CAMSAP2: variants seen among roughly 807,000 people sequenced by gnomAD.
CAMSAP2 encodes calmodulin-regulated spectrin-associated protein 2.
CAMSAP2 carries 26 observed loss-of-function variants against 146.1 expected under a neutral mutation model. The observed-to-expected ratio is 0.18, with a 90% CI of 0.13 to 0.25. The LOEUF (loss-of-function observed/expected upper bound fraction) is 0.25, where lower values mean the gene tolerates loss of function less well. CAMSAP2 is among the 10% of genes least tolerant of loss of function. The pLI, the probability that CAMSAP2 is intolerant of heterozygous loss-of-function variation, is 1.00. For synonymous variants in CAMSAP2, 499 were observed against 596.6 expected, an observed-to-expected ratio of 0.84 and a Z score of 2.38; for missense variants, 1,381 against 1,759.3, an observed-to-expected ratio of 0.78 and a Z score of 3.85.
At chr1:200,764,238 A>G (rs190272445) in intron 2 of CAMSAP2, among the ~76,000 whole-genome samples, 1 of 152,166 alleles carries the variant, frequency 6.6e-6, no homozygotes, top group African/African-American at 2.4e-5. Context: ...AATTTGGGAT[A>G]TTTTATTTCT....
At chr1:200,803,874 T>C (rs561334975) in intron 2 of CAMSAP2, among the ~76,000 whole-genome samples, 2 of 152,282 alleles carry the variant, frequency 1.3e-5, no homozygotes, top group East Asian at 1.9e-4. Context: ...TTCTGTTGTG[T>C]GTGCGTGTGT....
chr1:200,784,926 G>A lies in CAMSAP2; in HGVS notation c.400-22450G>A, dbSNP rs778594064. 1.8e-4 allele frequency among the ~76,000 whole-genome samples: 28 copies of A among 152,094 alleles called. 1 individual carries two copies. Among genetic ancestry groups the A allele is most frequent in the Non-Finnish European group, 3.2e-4 (22 of 68,016 alleles). ...TTAAGGGAGTGCCTTTCTGTTCCACGTTTGCTAAGAAATATATGTATGTTT... is the reference window on the plus strand; with the variant it reads ...TTAAGGGAGTGCCTTTCTGTTCCACATTTGCTAAGAAATATATGTATGTTT... On this transcript the variant is annotated intron_variant, in intron 2 of 16. Coordinates refer to ENST00000358823, the MANE Select transcript of CAMSAP2 (RefSeq NM_203459.4).
At position 200,813,195 on chromosome 1, in the gene CAMSAP2, T is replaced by C. The variant is rs561287285; in HGVS notation, c.562-2366T>C. ...TTCAGAATGGCAGCTTCTTGTTGTGTCCTCACGTGGCCGAAAGGGCCACTG... is the reference window on the plus strand; with the variant it reads ...TTCAGAATGGCAGCTTCTTGTTGTGCCCTCACGTGGCCGAAAGGGCCACTG... On this transcript the variant is annotated intron_variant, in intron 3 of 16. Coordinates refer to ENST00000358823, the MANE Select transcript of CAMSAP2 (RefSeq NM_203459.4). Among the ~76,000 whole-genome samples, 43 of 152,348 alleles carry C rather than the reference T, an allele frequency of 2.8e-4. No individual in the cohort carries two copies. The South Asian group carries it at 8.3e-3, about 29-fold the overall frequency.
At chr1:200,844,454 A>G (rs1667409381) in intron 7 of CAMSAP2, among the ~76,000 whole-genome samples, 1 of 152,014 alleles carries the variant, frequency 6.6e-6, no homozygotes, top group Admixed American at 6.6e-5. Flanking sequence ...AGGCTGAGGC[A>G]GGAGAATTGC....
rs1325323736 is a variant in CAMSAP2, at chr1:200,740,344, T to A, written c.139+378T>A. 3.3e-5 allele frequency among the ~76,000 whole-genome samples: 5 copies of A among 152,124 alleles called. No individual in the cohort carries two copies. The East Asian group carries it at 9.6e-4, about 29-fold the overall frequency. ...TACACCACCAAGAAATCTGAGTTGG[T>A]TTCTTTATTATTGCAAGAAGGTGGA... On this transcript the variant is annotated intron_variant, in intron 1 of 16. Coordinates refer to ENST00000358823, the MANE Select transcript of CAMSAP2 (RefSeq NM_203459.4).
intron 8 of CAMSAP2, 99 bp from the exon 9 acceptor site, chr1:200,847,111 G>A: frequency 3.9e-6 from 3 of 776,398 alleles, no homozygotes; most frequent in Non-Finnish European, 6.1e-6. Context: ...TTAGGTTGTA[G>A]AATGAGAGGT....
chr1:200,783,653 A>T (rs1245954152), intron 2 of CAMSAP2, among the ~76,000 whole-genome samples: 1 of 151,542 alleles, frequency 6.6e-6, no homozygotes, highest in Non-Finnish European at 1.5e-5. Flanking sequence ...TGGCTAATTA[A>T]AAAAAAAATT....
rs1206051460 is a variant in CAMSAP2, at chr1:200,857,249, T to C, written c.4013-57T>C. On this transcript the variant is annotated intron_variant, in intron 15 of 16. Coordinates refer to ENST00000358823, the MANE Select transcript of CAMSAP2 (RefSeq NM_203459.4). This position sits in a 1 kb window ranked among gnomAD's most constrained non-coding sequence, Gnocchi z 4.7. ...GAACAATTACATCATTTTAAAATAG[T>C]AGTATTTCTGACTTAGGAATGTTAT... 1 of 1,111,934 alleles carries C rather than the reference T, an allele frequency of 9.0e-7. No individual in the cohort carries two copies. Among genetic ancestry groups the C allele is most frequent in the Non-Finnish European group, 1.4e-6 (1 of 734,672 alleles). 68.9% of individuals were successfully genotyped at this position (1,111,934 alleles called of 1,614,324 possible). A position where few individuals can be genotyped will look rare whatever the true frequency, so the allele number is the denominator to read the frequency against.
At chr1:200,807,655 G>A in intron 3 of CAMSAP2, 118 bp downstream of exon 3, 1 of 536,098 alleles carries the variant, frequency 1.9e-6, no homozygotes, top group Non-Finnish European at 2.7e-6. Context: ...AACTTAAGTT[G>A]TAAAATACAC....
At chr1:200,801,428 A>G (rs1434904561) in intron 2 of CAMSAP2, among the ~76,000 whole-genome samples, 1 of 151,964 alleles carries the variant, frequency 6.6e-6, no homozygotes, top group Non-Finnish European at 1.5e-5. Flanking sequence ...GCACTTCTCG[A>G]GGAGTATCTT....
At chr1:200,827,713 A>G (rs1292963645) in intron 4 of CAMSAP2, among the ~76,000 whole-genome samples, 1 of 131,178 alleles carries the variant, frequency 7.6e-6, no homozygotes. Context: ...AACTTTCTAC[A>G]TAAAAATTTT....
At chr1:200,791,331 T>C (rs190659707) in intron 2 of CAMSAP2, among the ~76,000 whole-genome samples, 1 of 152,344 alleles carries the variant, frequency 6.6e-6, no homozygotes, top group African/African-American at 2.4e-5. Flanking sequence ...GGTTATGGTG[T>C]GCCTTAATGG....
intron 2 of CAMSAP2, among the ~76,000 whole-genome samples, chr1:200,784,396 T>C (rs1490498092): frequency 6.6e-6 from 1 of 152,228 alleles, no homozygotes; most frequent in Non-Finnish European, 1.5e-5. Context: ...TAACAATTTG[T>C]GTCTTCCAGT....
chr1:200,854,966 C>T, intron 14 of CAMSAP2, 77 bp downstream of exon 14: 1 of 1,100,324 alleles, frequency 9.1e-7, no homozygotes, highest in Admixed American at 2.7e-5. Context: ...AGTAAAAATT[C>T]TTCAGTGTTT....
chr1:200,802,128 G>A (rs1186778186), intron 2 of CAMSAP2, among the ~76,000 whole-genome samples: 1 of 152,064 alleles, frequency 6.6e-6, no homozygotes, highest in African/African-American at 2.4e-5. Flanking sequence ...TGGAAGCCTT[G>A]GTTTTAGTTT....
rs890016899 is a variant in CAMSAP2, at chr1:200,832,324, A to T, written c.770A>T (p.Asp257Val). Residue 257 changes from aspartate to valine, a missense_variant, in exon 5 of 17, where the codon GAT becomes GTT. Physicochemically the swap from Asp to Val is radical, Grantham distance 152. This residue lies in a region of CAMSAP2 where 284 missense variants were observed against 406.9 expected (regional missense o/e 0.70). Transcript: ENST00000358823. This position sits in a 1 kb window ranked among gnomAD's most constrained non-coding sequence, Gnocchi z 4.2. ...LAALIHFYCPDVVRLEDICLK... is the reference protein window; with the variant it reads ...LAALIHFYCPVVVRLEDICLK... ...GCCCTTATTCATTTTTACTGTCCTG[A>T]TGTTGTCAGATTAGAGGGTAAGTGT... 2.1e-5 allele frequency: 34 copies of T among 1,611,570 alleles called. No individual in the cohort carries two copies. The highest frequency in any genetic ancestry group is 2.8e-5 in the Non-Finnish European group (33 of 1,179,224).
intron 2 of CAMSAP2, among the ~76,000 whole-genome samples, chr1:200,774,816 C>G (rs896056061): frequency 1.3e-5 from 2 of 152,200 alleles, no homozygotes; most frequent in Non-Finnish European, 2.9e-5. Flanking sequence ...AAAGGTCCTA[C>G]TAAGAATTTC....
intron 8 of CAMSAP2, among the ~76,000 whole-genome samples, chr1:200,846,052 T>C (rs1021088975): frequency 6.6e-6 from 1 of 152,222 alleles, no homozygotes; most frequent in Non-Finnish European, 1.5e-5. Context: ...ATTTTTTACG[T>C]TAAAACTAAT....
At chr1:200,776,390 G>T (rs1665279559) in intron 2 of CAMSAP2, among the ~76,000 whole-genome samples, 1 of 152,246 alleles carries the variant, frequency 6.6e-6, no homozygotes, top group African/African-American at 2.4e-5. Context: ...TCCTGAGCCA[G>T]ATTGGCCTAG....
Sources: gnomAD v4.1 joint callset for allele counts (sites outside exome capture counted in the v4.1 genomes callset) on GRCh38, gnomAD v4.1.1 for gene constraint, gnomAD v4.1.1 regional missense constraint, Gnocchi (gnomAD v3.1) non-coding constraint, MANE v1.5 for transcripts, NCBI Gene and HGNC (gene_info 2026-07-23, HGNC 2026-07-21) for gene names.